CD86: variants seen among roughly 807,000 people sequenced by gnomAD.
CD86 encodes CD86 molecule, also known as T-lymphocyte activation antigen CD86.
Under a neutral mutation model 32.1 loss-of-function variants are expected in CD86, and 11 were observed. That is an observed-to-expected ratio of 0.34 (90% CI 0.22 to 0.57). The LOEUF (loss-of-function observed/expected upper bound fraction) is 0.57. Ranked by LOEUF, CD86 falls within the 20% of genes least tolerant of loss-of-function variation. The pLI is 0.86. For missense variants in CD86, 359 were observed against 398.4 expected (o/e 0.90, Z 0.84); for synonymous variants, 137 against 135.3 (o/e 1.01, Z -0.09).
In CD86 at chr3:122,100,861, A is replaced by G. The variant is rs3792286; in HGVS notation, c.65-2651A>G. ...AGAGATTCTCAATGCTTACCCACCTATGGAATCCCAGTAAGTCCAGTTGCT... is the reference window on the plus strand; with the variant it reads ...AGAGATTCTCAATGCTTACCCACCTGTGGAATCCCAGTAAGTCCAGTTGCT... On this transcript the variant is annotated intron_variant, in intron 2 of 6. Transcript: ENST00000330540. 1.2e-4 allele frequency among the ~76,000 whole-genome samples: 18 copies of G among 152,254 alleles called. No homozygotes were observed. The East Asian group carries it at 3.5e-3, about 29-fold the overall frequency.
At chr3:122,088,851 CAG>C (rs541813487) in intron 1 of CD86, among the ~76,000 whole-genome samples, 58 of 152,180 alleles carry the variant, frequency 3.8e-4, no homozygotes, top group Admixed American at 1.0e-3. Context: ...GAACTGAAAG[CAG>C]AGTCTTAAAG....
At chr3:122,104,310 T>G (rs1354399825) in intron 3 of CD86, among the ~76,000 whole-genome samples, 1 of 152,068 alleles carries the variant, frequency 6.6e-6, no homozygotes, top group Non-Finnish European at 1.5e-5. Flanking sequence ...CCCTTCAGCC[T>G]CCTCTAGGTT....
chr3:122,057,581 G>T (rs1232938337), intron 1 of CD86, among the ~76,000 whole-genome samples: 3 of 152,054 alleles, frequency 2.0e-5, no homozygotes, highest in Non-Finnish European at 2.9e-5. Context: ...AATCCCATCT[G>T]TAGGCAGAAA....
intron 2 of CD86, among the ~76,000 whole-genome samples, chr3:122,101,509 A>ATATATATAT (rs1436647275): frequency 8.1e-4 from 46 of 56,938 alleles, no homozygotes; most frequent in East Asian, 2.9e-3. Flanking sequence ...AAAAAAAAAA[A>ATATATATAT]AAAAATATAT....
chr3:122,080,065 G>T (rs1043280618), intron 1 of CD86, among the ~76,000 whole-genome samples: 12 of 152,134 alleles, frequency 7.9e-5, no homozygotes, highest in Non-Finnish European at 1.5e-4. Context: ...AGTATGGGGA[G>T]AGAAGGCCCC....
intron 1 of CD86, among the ~76,000 whole-genome samples, chr3:122,084,168 G>A (rs756386594): frequency 6.9e-4 from 105 of 152,170 alleles, no homozygotes; most frequent in African/African-American, 2.4e-3. Flanking sequence ...TGTATTTTTA[G>A]TAGAGACGGG....
At chr3:122,083,418 C>T (rs952869152) in intron 1 of CD86, among the ~76,000 whole-genome samples, 6 of 152,176 alleles carry the variant, frequency 3.9e-5, no homozygotes, top group African/African-American at 9.7e-5. Flanking sequence ...CCTGCCTCAG[C>T]GCCTTTGCAT....
intron 1 of CD86, among the ~76,000 whole-genome samples, chr3:122,067,728 G>T (rs910155336): frequency 6.6e-6 from 1 of 152,162 alleles, no homozygotes; most frequent in Non-Finnish European, 1.5e-5. Context: ...TCTTAAATAA[G>T]ATTTGAGTAA....
intron 2 of CD86, 118 bp from the exon 3 acceptor site, chr3:122,103,394 C>A: frequency 1.4e-6 from 1 of 695,928 alleles, no homozygotes; most frequent in Non-Finnish European, 2.4e-6. Context: ...AGCTTAATAT[C>A]TTATTCTTCA....
At chr3:122,100,277 C>T (rs1261065905) in intron 2 of CD86, among the ~76,000 whole-genome samples, 3 of 152,154 alleles carry the variant, frequency 2.0e-5, no homozygotes, top group Non-Finnish European at 4.4e-5. Flanking sequence ...TCAGACACCT[C>T]AAAAGGGGAA....
At chr3:122,062,959 T>C (rs1426009243) in intron 1 of CD86, among the ~76,000 whole-genome samples, 3 of 152,182 alleles carry the variant, frequency 2.0e-5, no homozygotes, top group Admixed American at 2.0e-4. Flanking sequence ...TAGAAGTTGC[T>C]ATAGTAGACC....
rs1044318780 is a variant in CD86 at position 122,103,505 on chromosome 3, T to A, written c.65-7T>A. ...CTCCCTCCCTAATCCTTAACCTTCTTTTTTAGGTGCTGCTCCTCTGAAGAT... is the reference window on the plus strand; with the variant it reads ...CTCCCTCCCTAATCCTTAACCTTCTATTTTAGGTGCTGCTCCTCTGAAGAT... On this transcript the variant is annotated splice_polypyrimidine_tract_variant and splice_region_variant and intron_variant, in intron 2 of 6. Transcript: ENST00000330540. 3.8e-6 allele frequency: 6 copies of A among 1,595,028 alleles called. No individual in the cohort carries two copies. Among genetic ancestry groups the A allele is most frequent in the Non-Finnish European group, 5.1e-6 (6 of 1,170,538 alleles).
At chr3:122,083,551 C>A (rs933699836) in intron 1 of CD86, among the ~76,000 whole-genome samples, 1 of 152,222 alleles carries the variant, frequency 6.6e-6, no homozygotes, top group African/African-American at 2.4e-5. Context: ...CCAAACTTAG[C>A]AGCTTAGAAC....
chr3:122,109,404 A>G lies in CD86; in HGVS notation c.843A>G (p.Lys281=). Residue 281 remains lysine, a synonymous_variant, in exon 5 of 7, where the codon AAA becomes AAG. Coordinates refer to ENST00000330540, the MANE Select transcript of CD86 (RefSeq NM_175862.5). ...KKKKRPRNSY[K]CGTNTMEREE... is the part of the protein sequence containing the mutation. The stretch of plus-strand genomic sequence containing the variant: ...AGAAGCGGCCTCGCAACTCTTATAA[A>G]TGTGGTGAGTGAGTCCTTGTCCTCC... 6.2e-7 allele frequency: 1 copy of G among 1,614,082 alleles called. No individual in the cohort carries two copies. Among genetic ancestry groups the G allele is most frequent in the Non-Finnish European group, 8.5e-7 (1 of 1,179,948 alleles).
At position 122,063,370 on chromosome 3, in the gene CD86, T is replaced by C. The variant is rs1050990962; in HGVS notation, c.14+7867T>C. Among the ~76,000 whole-genome samples the C allele has an allele frequency of 2.6e-5, 4 of 152,206 alleles. No homozygotes were observed. In the South Asian group the frequency reaches 6.2e-4, roughly 24 times the overall value. On this transcript the variant is annotated intron_variant, in intron 1 of 6. Coordinates refer to ENST00000330540, the MANE Select transcript of CD86 (RefSeq NM_175862.5). ...ATAACAAGAGCTACGGAAACATATT[T>C]GTGCACCAAAATGTTTATTACATTA...
chr3:122,065,017 T>C (rs980423308), intron 1 of CD86, among the ~76,000 whole-genome samples: 3 of 152,208 alleles, frequency 2.0e-5, no homozygotes, highest in African/African-American at 4.8e-5. Context: ...TGGCAAACTA[T>C]ATTGTATCAT....
intron 1 of CD86, among the ~76,000 whole-genome samples, chr3:122,062,526 T>G (rs2072353944): frequency 6.6e-6 from 1 of 152,174 alleles, no homozygotes; most frequent in Non-Finnish European, 1.5e-5. Context: ...TCAAAGGTGA[T>G]TTTTTATAAG....
intron 5 of CD86, among the ~76,000 whole-genome samples, chr3:122,117,374 T>A (rs2073270870): frequency 6.6e-6 from 1 of 152,198 alleles, no homozygotes; most frequent in South Asian, 2.1e-4. Context: ...AAAGACAGAA[T>A]CACAAAACCA....
intron 1 of CD86, among the ~76,000 whole-genome samples, chr3:122,089,685 T>C (rs2072782273): frequency 6.6e-6 from 1 of 152,220 alleles, no homozygotes; most frequent in Non-Finnish European, 1.5e-5. Flanking sequence ...GGTCAAACGA[T>C]TCTGCTTCTA....
Sources: gnomAD v4.1 joint callset for allele counts (sites outside exome capture counted in the v4.1 genomes callset) on GRCh38, gnomAD v4.1.1 for gene constraint, MANE v1.5 for transcripts, NCBI Gene and HGNC (gene_info 2026-07-23, HGNC 2026-07-21) for gene names.